ZNF774: variants seen among roughly 807,000 people sequenced by gnomAD.
ZNF774 encodes zinc finger protein 774.
ZNF774 carries 14 observed loss-of-function variants against 11.1 expected under a neutral mutation model. That is an observed-to-expected ratio of 1.26 (90% confidence interval 0.83 to 1.97). The LOEUF (loss-of-function observed/expected upper bound fraction) is 1.97, where lower values mean the gene tolerates loss of function less well. Ranked by LOEUF, ZNF774 falls within the 30% of genes most tolerant of loss-of-function variation. The pLI, the probability that ZNF774 is intolerant of heterozygous loss-of-function variation, is 0.00. For synonymous variants in ZNF774, 195 were observed against 212.6 expected, an observed-to-expected ratio of 0.92 and a Z score of 0.72; for missense variants, 599 against 587.0, an observed-to-expected ratio of 1.02 and a Z score of -0.21.
chr15:90,360,410 C>A lies in ZNF774; in HGVS notation c.579C>A (p.Asp193Glu), dbSNP rs779514301. 1.2e-6 allele frequency: 2 copies of A among 1,613,534 alleles called. No individual in the cohort carries two copies. Among genetic ancestry groups the A allele is most frequent in the South Asian group, 2.2e-5 (2 of 91,050 alleles). The change falls in exon 4 of 4, where the codon GAC becomes GAA. Residue 193 changes from aspartate (D) to glutamate (E), a missense_variant. Transcript: ENST00000354377. Reference protein sequence around the residue: ...ECGKGFKQSSDLVTHRRTHTG... With the variant: ...ECGKGFKQSSELVTHRRTHTG... The stretch of plus-strand genomic sequence containing the variant: ...GGAAAGGCTTCAAACAGAGCTCAGA[C>A]CTTGTCACCCATCGCAGAACACACA...
At chr15:90,355,523 G>C in intron 2 of ZNF774, 1 of 439,034 alleles carries the variant, frequency 2.3e-6, no homozygotes, top group Non-Finnish European at 4.6e-6. Context: ...AGGAGTTCGA[G>C]ACCAGCCTGG....
intron 2 of ZNF774, 126 bp from the exon 3 acceptor site, chr15:90,358,725 A>G: frequency 1.8e-6 from 1 of 570,538 alleles, no homozygotes; most frequent in Non-Finnish European, 3.1e-6. Flanking sequence ...TTTTTTAATG[A>G]CACCAAATAC....
Position 90,361,100 on chromosome 15 carries a change from A to T in ZNF774, c.1269A>T (p.Arg423=), listed in dbSNP as rs374772534. Reference sequence around the variant, plus strand: ...GCTCCCACTTTATTACCCATCAGCGAATCCACTTAGGAGACAGGCCCTATC... The same window carrying T: ...GCTCCCACTTTATTACCCATCAGCGTATCCACTTAGGAGACAGGCCCTATC... The part of the protein sequence containing the change: ...NQSSHFITHQ[R]IHLGDRPYRC... Residue 423 remains arginine, a synonymous_variant, in exon 4 of 4, where the codon CGA becomes CGT. Transcript: ENST00000354377. 2 of 1,614,076 alleles carry T rather than the reference A, an allele frequency of 1.2e-6. No homozygotes were observed. Among genetic ancestry groups the T allele is most frequent in the Non-Finnish European group, 1.7e-6 (2 of 1,180,038 alleles).
chr15:90,362,487 A>G lies in ZNF774; in HGVS notation c.*1204A>G. 6.8e-7 allele frequency: 1 copy of G among 1,477,948 alleles called. No homozygotes were observed. The allele number at this position is 1,477,948 out of a possible 1,614,324, so 91.6% of individuals were successfully genotyped here. A position where few individuals can be genotyped will look rare whatever the true frequency, so the allele number is the denominator to read the frequency against. ...TGAAGGAAGCAACTCTTGTTTTCTA[A>G]TTTGCTGGGTCATTGGCCATTTAGT... is the stretch of plus-strand genomic sequence containing the variant. On this transcript the variant is annotated 3_prime_UTR_variant, in exon 4 of 4. Transcript: ENST00000354377.
intron 2 of ZNF774, among the ~76,000 whole-genome samples, chr15:90,357,595 G>A (rs1246722460): frequency 6.6e-6 from 1 of 152,076 alleles, no homozygotes; most frequent in Non-Finnish European, 1.5e-5. Context: ...TTTTGGAGAT[G>A]GAGTCTCAAT....
intron 2 of ZNF774, among the ~76,000 whole-genome samples, chr15:90,358,051 A>T (rs985184760): frequency 6.6e-6 from 1 of 151,978 alleles, no homozygotes; most frequent in Non-Finnish European, 1.5e-5. Context: ...CTGTGCCACC[A>T]TGCCCGGCTA....
intron 1 of ZNF774, among the ~76,000 whole-genome samples, chr15:90,353,168 T>C (rs1009764591): frequency 6.6e-6 from 1 of 152,098 alleles, no homozygotes; most frequent in African/African-American, 2.4e-5. Flanking sequence ...GGTTTCACCA[T>C]GTTGGCCAGG....
In ZNF774 at chr15:90,360,072, C is replaced by T. The variant is rs763294237; in HGVS notation, c.241C>T (p.Gln81Ter). The T allele has an allele frequency of 6.2e-7, 1 of 1,611,740 alleles. No homozygotes were observed. The highest frequency in any genetic ancestry group is 1.1e-5 in the South Asian group (1 of 90,900). ...DCEHQVAKLNQDNSETAEQCG... is the reference protein window; with the variant it reads ...DCEHQVAKLN ...TGAGCATCAGGTGGCAAAGCTCAAT[C>T]AGGACAATTCTGAAACAGCAGAACA... The change falls in exon 4 of 4, where the codon CAG becomes TAG. Residue 81 changes from glutamine to a stop codon, truncating the protein, a stop_gained. Transcript: ENST00000354377. LOFTEE classifies it low-confidence loss of function (END_TRUNC).
In ZNF774 at chr15:90,361,401, C is replaced by G; in HGVS notation, c.*118C>G. Reference sequence around the variant, plus strand: ...CTCAATTTGGGCCCTGATCTATTCTCCCTCTTTCTTGTCTATGTTATAACA... The same window carrying G: ...CTCAATTTGGGCCCTGATCTATTCTGCCTCTTTCTTGTCTATGTTATAACA... On this transcript the variant is annotated 3_prime_UTR_variant, in exon 4 of 4. Transcript: ENST00000354377. The G allele has an allele frequency of 6.7e-7, 1 of 1,493,604 alleles. No individual in the cohort carries two copies. The highest frequency in any genetic ancestry group is 8.8e-7 in the Non-Finnish European group (1 of 1,131,352). The allele number at this position is 1,493,604 out of a possible 1,614,324, so 92.5% of individuals were successfully genotyped here. A position where few individuals can be genotyped will look rare whatever the true frequency, so the allele number is the denominator to read the frequency against.
chr15:90,358,928 C>T lies in ZNF774; in HGVS notation c.182C>T (p.Ala61Val), dbSNP rs760201017. ...PWVLPLQNFE[A>V]RKIPRESHTD... ...GTCCTACCACTCCAAAACTTTGAGG[C>T]GAGGAAGATCCCGAGGGAAAGCCAC... Residue 61 changes from alanine (A) to valine (V), a missense_variant, in exon 3 of 4, where the codon GCG (alanine) becomes GTG (valine). Ala to Val is a moderately conservative substitution (Grantham distance 64). Transcript: ENST00000354377. The T allele has an allele frequency of 1.3e-5, 21 of 1,613,506 alleles. No individual in the cohort carries two copies. The African/African-American group carries it at 1.3e-4, about 10-fold the overall frequency.
chr15:90,353,656 C>T (rs562203138), intron 1 of ZNF774, among the ~76,000 whole-genome samples: 24 of 150,686 alleles, frequency 1.6e-4, no homozygotes, highest in Non-Finnish European at 3.1e-4. Flanking sequence ...GGTGCAGTGG[C>T]GCCATCATAG....
rs78339800 is a variant in ZNF774, at chr15:90,362,602, C to T, written c.*1319C>T. The T allele has an allele frequency of 6.1e-5, 94 of 1,533,400 alleles. 1 individual carries two copies. Among genetic ancestry groups the T allele is most frequent in the East Asian group, 4.6e-4 (19 of 40,896 alleles). 95.0% of individuals were successfully genotyped at this position (1,533,400 alleles called of 1,614,324 possible). On this transcript the variant is annotated 3_prime_UTR_variant, in exon 4 of 4. Transcript: ENST00000354377. ...CATTCAATTGAAATAAATTGAGGGA[C>T]GGCAAGTGTGTTGGAAAGAACACCG...
Position 90,360,468 on chromosome 15 carries a change from G to C in ZNF774, c.637G>C (p.Glu213Gln). 6.2e-7 allele frequency: 1 copy of C among 1,613,784 alleles called. No individual in the cohort carries two copies. The highest frequency in any genetic ancestry group is 8.5e-7 in the Non-Finnish European group (1 of 1,180,018). ...GEKPYQCKGC[E>Q]KKFSDSSTLI... The stretch of plus-strand genomic sequence containing the variant: ...GAAGCCCTACCAATGCAAGGGGTGT[G>C]AGAAGAAATTCAGCGACAGCTCAAC... The change falls in exon 4 of 4, where the codon GAG becomes CAG. Residue 213 changes from glutamate (E) to glutamine (Q), a missense_variant. Physicochemically the swap from Glu to Gln is conservative, Grantham distance 29 (BLOSUM62 2). Transcript: ENST00000354377.
At chr15:90,356,740 C>A (rs1269770459) in intron 2 of ZNF774, among the ~76,000 whole-genome samples, 1 of 152,130 alleles carries the variant, frequency 6.6e-6, no homozygotes, top group Admixed American at 6.6e-5. Flanking sequence ...CTTAAAATAA[C>A]CACCTAGTAT....
intron 1 of ZNF774, among the ~76,000 whole-genome samples, chr15:90,354,002 C>G (rs1219203931): frequency 6.6e-6 from 1 of 151,090 alleles, no homozygotes; most frequent in Non-Finnish European, 1.5e-5. Context: ...TTGGTTTCAG[C>G]CCCTAAGAGT....
chr15:90,354,009 G>A (rs1283568779), intron 1 of ZNF774, among the ~76,000 whole-genome samples: 1 of 146,960 alleles, frequency 6.8e-6, no homozygotes, highest in Non-Finnish European at 1.5e-5. Flanking sequence ...CAGCCCCTAA[G>A]AGTTGTGTTT....
rs191257274 is a variant in ZNF774 at position 90,361,189 on chromosome 15, A to G, written c.1358A>G (p.His453Arg). Residue 453 changes from histidine (H) to arginine (R), a missense_variant, in exon 4 of 4, where the codon CAT becomes CGT. Transcript: ENST00000354377. The part of the protein sequence containing the change: ...RSHFLTHQRT[H>R]TGEKPFHCSK... ...CATTTCCTCACACACCAGAGAACGC[A>G]TACAGGAGAAAAACCTTTCCACTGT... 3,319 of 1,614,224 alleles carry G rather than the reference A, an allele frequency of 2.1e-3. 109 individuals carry two copies. In the Admixed American group the frequency reaches 0.044, roughly 22 times the overall value.
At position 90,358,858 on chromosome 15, in the gene ZNF774, A is replaced by G; in HGVS notation, c.112A>G (p.Arg38Gly). The part of the protein sequence containing the change: ...LEEWALKGIS[R>G]PSVISQPEQK... Reference sequence around the variant, plus strand: ...GTTTACATTCCTGTGTAGAATTTCCAGGCCTAGTGTAATCTCCCAGCCGGA... The same window carrying G: ...GTTTACATTCCTGTGTAGAATTTCCGGGCCTAGTGTAATCTCCCAGCCGGA... The change falls in exon 3 of 4, where the codon AGG becomes GGG. Residue 38 changes from arginine (R) to glycine (G), a missense_variant. Arg to Gly is a moderately radical substitution (Grantham distance 125). Coordinates refer to ENST00000354377, the MANE Select transcript of ZNF774 (RefSeq NM_001004309.3). 6.2e-7 allele frequency: 1 copy of G among 1,612,446 alleles called. No homozygotes were observed. The highest frequency in any genetic ancestry group is 8.5e-7 in the Non-Finnish European group (1 of 1,178,988).
At chr15:90,357,435 C>T (rs1964263458) in intron 2 of ZNF774, among the ~76,000 whole-genome samples, 1 of 152,006 alleles carries the variant, frequency 6.6e-6, no homozygotes, top group Non-Finnish European at 1.5e-5. Flanking sequence ...GCCAGGAGCT[C>T]GAGGATGCAG....
Sources: allele counts gnomAD v4.1 joint callset (sites outside exome capture counted in the v4.1 genomes callset), GRCh38; gene constraint gnomAD v4.1.1; transcripts MANE v1.5; gene names NCBI Gene and HGNC (gene_info 2026-07-23, HGNC 2026-07-21).